The following PRORP variants were observed in gnomAD, a reference collection of about 807,000 sequenced individuals.
The protein encoded by PRORP is protein only RNase P catalytic subunit.
In PRORP, 51 loss-of-function variants were observed where a neutral mutation model predicts 59.4. The ratio of observed to expected loss-of-function variants is 0.86; its 90% CI spans 0.69 to 1.08. PRORP has a LOEUF of 1.08. Ranked by LOEUF, PRORP falls within the 50% of genes least tolerant of loss-of-function variation. The probability of loss-of-function intolerance (pLI) is 0.00; values close to 1 mark genes in which losing one functional copy is unlikely to be tolerated. For synonymous variants in PRORP, 231 were observed against 245.6 expected (o/e 0.94, Z 0.55); for missense variants, 646 against 690.3 (o/e 0.94, Z 0.72).
At chr14:35,132,658 G>T (rs1007970137) in intron 4 of PRORP, among the ~76,000 whole-genome samples, 6 of 151,532 alleles carry the variant, frequency 4.0e-5, no homozygotes, top group African/African-American at 1.2e-4. Context: ...ATGGTGGTGC[G>T]TGCCTGTAAT....
chr14:35,177,671 T>C (rs2048488324), intron 4 of PRORP, among the ~76,000 whole-genome samples: 1 of 152,194 alleles, frequency 6.6e-6, no homozygotes, highest in African/African-American at 2.4e-5. Context: ...TCTATCAATT[T>C]TGTTGATCTT....
At chr14:35,265,190 A>G (rs1176660357) in intron 5 of PRORP, among the ~76,000 whole-genome samples, 1 of 152,144 alleles carries the variant, frequency 6.6e-6, no homozygotes, top group Non-Finnish European at 1.5e-5. Context: ...ACTTATGAGT[A>G]AAGAGAAGCT....
chr14:35,178,837 G>A (rs1048573739), intron 4 of PRORP, among the ~76,000 whole-genome samples: 3 of 152,144 alleles, frequency 2.0e-5, no homozygotes, highest in Non-Finnish European at 2.9e-5. Flanking sequence ...TCCTAGCATC[G>A]ATGGTCTTTA....
At chr14:35,127,134 G>A (rs1176045729) in intron 3 of PRORP, among the ~76,000 whole-genome samples, 1 of 152,112 alleles carries the variant, frequency 6.6e-6, no homozygotes, top group Non-Finnish European at 1.5e-5. Flanking sequence ...GCTCACGCCT[G>A]TAATCCCAGC....
rs140727566 is a variant in PRORP, at chr14:35,167,091, T to C, written c.1168-13579T>C. Among the ~76,000 whole-genome samples, 420 of 152,336 alleles carry C rather than the reference T, an allele frequency of 2.8e-3. 3 individuals are homozygous for C. The highest frequency in any genetic ancestry group is 9.9e-3 in the African/African-American group (412 of 41,580). On this transcript the variant is annotated intron_variant, in intron 4 of 7. Coordinates refer to ENST00000534898, the MANE Select transcript of PRORP (RefSeq NM_014672.4). ...TCCTTGGTGTCATGTGCTTGTCTTA[T>C]CTTACTTTCAGTCCCGTTACCTGCT...
intron 4 of PRORP, among the ~76,000 whole-genome samples, chr14:35,157,149 G>T (rs180913897): frequency 1.3e-5 from 2 of 152,022 alleles, no homozygotes; most frequent in South Asian, 2.1e-4. Context: ...TAGAGATGGG[G>T]TTTCACTATG....
chr14:35,128,913 T>A (rs1227546382), intron 4 of PRORP, among the ~76,000 whole-genome samples: 1 of 152,098 alleles, frequency 6.6e-6, no homozygotes, highest in African/African-American at 2.4e-5. Context: ...AGACGCATAT[T>A]TGGCCGGGCG....
At chr14:35,249,009 G>T (rs2138578669) in intron 5 of PRORP, among the ~76,000 whole-genome samples, 1 of 152,280 alleles carries the variant, frequency 6.6e-6, no homozygotes, top group East Asian at 1.9e-4. Context: ...GTGATATCCT[G>T]AGTTCTGGAA....
At chr14:35,156,102 G>A (rs2047906937) in intron 4 of PRORP, among the ~76,000 whole-genome samples, 1 of 152,206 alleles carries the variant, frequency 6.6e-6, no homozygotes, top group Admixed American at 6.5e-5. Flanking sequence ...ATACTCCAGT[G>A]TGCACAACCC....
At chr14:35,244,081 A>T (rs1051098208) in intron 5 of PRORP, among the ~76,000 whole-genome samples, 1 of 152,166 alleles carries the variant, frequency 6.6e-6, no homozygotes, top group Non-Finnish European at 1.5e-5. Context: ...CCTCACATCA[A>T]TCCCCATTAT....
intron 5 of PRORP, among the ~76,000 whole-genome samples, chr14:35,199,489 G>A (rs1306764861): frequency 1.8e-4 from 28 of 152,260 alleles, no homozygotes; most frequent in Admixed American, 1.8e-3. Flanking sequence ...CCTCGTGGAT[G>A]GGATTAGCAC....
At chr14:35,222,627 A>T (rs184756216) in intron 5 of PRORP, 1 of 152,384 alleles carries the variant, frequency 6.6e-6, no homozygotes, top group East Asian at 1.9e-4. Context: ...TGCCAAAACC[A>T]TAATATATAC....
At chr14:35,164,455 A>G (rs1290917134) in intron 4 of PRORP, among the ~76,000 whole-genome samples, 1 of 152,256 alleles carries the variant, frequency 6.6e-6, no homozygotes, top group Non-Finnish European at 1.5e-5. Flanking sequence ...CTATGCAACC[A>G]TAAAAAAGAA....
rs748599842 is a variant in PRORP at position 35,127,491 on chromosome 14, G to C, written c.1047G>C (p.Ser349=). 61 of 1,604,196 alleles carry C rather than the reference G, an allele frequency of 3.8e-5. No homozygotes were observed. Among genetic ancestry groups the C allele is most frequent in the Non-Finnish European group, 5.0e-5 (59 of 1,175,268 alleles). Residue 349 remains serine, a synonymous_variant, in exon 4 of 8, where the codon TCG becomes TCC. Transcript: ENST00000534898. Reference sequence around the variant, plus strand: ...ATTATAATTACAGTGGCCAGTGTTCGGGCTGTGGAAAAACCATAGAGTCTA... The same window carrying C: ...ATTATAATTACAGTGGCCAGTGTTCCGGCTGTGGAAAAACCATAGAGTCTA... ...FTTVRKSGQC[S]GCGKTIESIQ...
At chr14:35,184,392 G>C (rs2048692642) in intron 5 of PRORP, among the ~76,000 whole-genome samples, 1 of 152,098 alleles carries the variant, frequency 6.6e-6, no homozygotes. Context: ...CCACCATGTA[G>C]AGATTTATTG....
intron 5 of PRORP, among the ~76,000 whole-genome samples, chr14:35,251,045 A>G (rs1307718543): frequency 6.6e-6 from 1 of 152,106 alleles, no homozygotes; most frequent in Non-Finnish European, 1.5e-5. Context: ...CTGAATCCCC[A>G]GAGTCCATTG....
intron 6 of PRORP, among the ~76,000 whole-genome samples, chr14:35,268,208 G>A (rs2051094075): frequency 6.6e-6 from 1 of 151,996 alleles, no homozygotes; most frequent in Admixed American, 6.6e-5. Context: ...GCCAGATGTG[G>A]TGGCACACGC....
At chr14:35,175,915 G>C (rs2048437424) in intron 4 of PRORP, among the ~76,000 whole-genome samples, 1 of 152,266 alleles carries the variant, frequency 6.6e-6, no homozygotes, top group East Asian at 1.9e-4. Context: ...ATTAATTTTT[G>C]TATAAGGTGT....
intron 4 of PRORP, among the ~76,000 whole-genome samples, chr14:35,133,964 T>C (rs948638889): frequency 1.3e-5 from 2 of 152,170 alleles, no homozygotes; most frequent in Admixed American, 1.3e-4. Flanking sequence ...GCCCAAAGCC[T>C]GCTTAACTAC....
Sources: allele counts gnomAD v4.1 joint callset (sites outside exome capture counted in the v4.1 genomes callset), GRCh38; gene constraint gnomAD v4.1.1; transcripts MANE v1.5; gene names NCBI Gene and HGNC (gene_info 2026-07-23, HGNC 2026-07-21).